The following MAML3 variants were observed in gnomAD, a reference collection of about 807,000 sequenced individuals.
MAML3 encodes mastermind-like protein 3.
In MAML3, 27 loss-of-function variants were observed where a neutral mutation model predicts 101.9. The observed-to-expected ratio is 0.27, with a 90% CI of 0.20 to 0.37. The LOEUF (loss-of-function observed/expected upper bound fraction) is 0.37, where lower values mean the gene tolerates loss of function less well. Ranked by LOEUF, MAML3 falls within the 10% of genes least tolerant of loss-of-function variation. The probability of loss-of-function intolerance (pLI) is 1.00; values close to 1 mark genes in which losing one functional copy is unlikely to be tolerated. For missense variants in MAML3, 1,316 were observed against 1,444.9 expected (o/e 0.91, Z 1.45); for synonymous variants, 501 against 555.9 (o/e 0.90, Z 1.39).
chr4:139,908,316 T>G (rs1299447033), intron 1 of MAML3, among the ~76,000 whole-genome samples: 4 of 152,262 alleles, frequency 2.6e-5, no homozygotes, highest in Non-Finnish European at 5.9e-5. Context: ...TGTCTATCAC[T>G]ATTTCTGTAT....
intron 1 of MAML3, among the ~76,000 whole-genome samples, chr4:140,098,510 A>G (rs926823800): frequency 6.6e-6 from 1 of 152,230 alleles, no homozygotes; most frequent in African/African-American, 2.4e-5. Context: ...CAAAGGGAGA[A>G]GCCAGATTCC....
intron 2 of MAML3, among the ~76,000 whole-genome samples, chr4:139,767,550 C>T (rs1347550631): frequency 1.3e-5 from 2 of 152,282 alleles, no homozygotes; most frequent in South Asian, 2.1e-4. Context: ...TCTTACTATA[C>T]CAGGATTTGG....
At position 140,028,230 on chromosome 4, in the gene MAML3, T is replaced by A. The variant is rs993130912; in HGVS notation, c.468+124630A>T. On this transcript the variant is annotated intron_variant, in intron 1 of 4. Coordinates refer to ENST00000509479, the MANE Select transcript of MAML3 (RefSeq NM_018717.5). ...TACATTAGCAACACTGGAGCATAGA[T>A]GAAGCAGGAAGAAGAGAGAAAGCAT... Among the ~76,000 whole-genome samples the A allele has an allele frequency of 3.9e-5, 6 of 152,178 alleles. No individual in the cohort carries two copies. The East Asian group carries it at 1.2e-3, about 29-fold the overall frequency.
rs149616459 is a variant in MAML3 at position 139,929,580 on chromosome 4, C to T, written c.469-38613G>A. Reference sequence around the variant, plus strand: ...AGTTTATTGCAGGGAACAGCTTAAACTCAAATATACTAGCATCTATACAAT... The same window carrying T: ...AGTTTATTGCAGGGAACAGCTTAAATTCAAATATACTAGCATCTATACAAT... On this transcript the variant is annotated intron_variant, in intron 1 of 4. Transcript: ENST00000509479. Among the ~76,000 whole-genome samples, 67 of 152,308 alleles carry T rather than the reference C, an allele frequency of 4.4e-4. 5 individuals are homozygous for T. In the South Asian group the frequency reaches 9.5e-3, roughly 22 times the overall value.
chr4:140,060,365 C>CAAAAAAAAAAAAAAAAAAAA lies in MAML3; in HGVS notation c.468+92475_468+92494dup, dbSNP rs70943471. Among the ~76,000 whole-genome samples, 191 of 19,118 alleles carry CAAAAAAAAAAAAAAAAAAAA rather than the reference C, an allele frequency of 1.0e-2. 75 individuals are homozygous for CAAAAAAAAAAAAAAAAAAAA. The highest frequency in any genetic ancestry group is 0.011 in the Non-Finnish European group (122 of 10,742). The allele number at this position is 19,118 out of a possible 152,430, so 12.5% of individuals were successfully genotyped here. The stretch of plus-strand genomic sequence containing the variant: ...TGGGCGACAGAGTAAGACTCTGTCT[C>CAAAAAAAAAAAAAAAAAAAA]AAAAAAAAAAAAAAAAAAAAGTCAC... On this transcript the variant is annotated intron_variant, in intron 1 of 4. Transcript: ENST00000509479.
At chr4:139,989,874 C>CACACAT (rs1553967750) in intron 1 of MAML3, among the ~76,000 whole-genome samples, 1 of 135,404 alleles carries the variant, frequency 7.4e-6, no homozygotes, top group African/African-American at 3.0e-5. Flanking sequence ...CACACACACA[C>CACACAT]ACACACACAG....
intron 2 of MAML3, among the ~76,000 whole-genome samples, chr4:139,759,437 G>A (rs1338258904): frequency 6.6e-6 from 1 of 152,154 alleles, no homozygotes; most frequent in African/African-American, 2.4e-5. Context: ...CTTGCCCCAG[G>A]TCCCGGCCTG....
At chr4:139,794,673 C>T (rs1326845856) in intron 2 of MAML3, among the ~76,000 whole-genome samples, 2 of 152,212 alleles carry the variant, frequency 1.3e-5, no homozygotes, top group Non-Finnish European at 2.9e-5. Context: ...TGATTTCCTA[C>T]TGGGAAAATG....
intron 2 of MAML3, among the ~76,000 whole-genome samples, chr4:139,762,931 T>C (rs1359491909): frequency 6.6e-6 from 1 of 152,186 alleles, no homozygotes; most frequent in African/African-American, 2.4e-5. Context: ...TTCGTGTCTA[T>C]GTGCCAAAGT....
chr4:140,008,325 CAAG>C (rs1195661217), intron 1 of MAML3, among the ~76,000 whole-genome samples: 1 of 151,610 alleles, frequency 6.6e-6, no homozygotes, highest in Non-Finnish European at 1.5e-5. Flanking sequence ...CCAGCCTGGG[CAAG>C]AAGAGCGAAA....
intron 1 of MAML3, among the ~76,000 whole-genome samples, chr4:140,069,384 AAGGAGGAGG>A (rs756106379): frequency 5.0e-5 from 3 of 60,426 alleles, no homozygotes; most frequent in Non-Finnish European, 7.0e-5. Context: ...GAAGAAGAAG[AAGGAGGAGG>A]AGGAGGAGGA....
Position 139,785,317 on chromosome 4 carries a change from G to C in MAML3, c.2080-54650C>G, listed in dbSNP as rs1730286642. ...TACATGCTTAAAATATTAATAATCA[G>C]AGTTCACTTTCATAGGGCTCTGGGC... On this transcript the variant is annotated intron_variant, in intron 2 of 4. Transcript: ENST00000509479. The surrounding 1 kb of genome is among the most constrained non-coding windows in gnomAD (Gnocchi z 4.3). 6.6e-6 allele frequency among the ~76,000 whole-genome samples: 1 copy of C among 152,234 alleles called. No individual in the cohort carries two copies. The highest frequency in any genetic ancestry group is 2.4e-5 in the African/African-American group (1 of 41,456).
chr4:139,939,447 T>C (rs540920119), intron 1 of MAML3, among the ~76,000 whole-genome samples: 41 of 152,262 alleles, frequency 2.7e-4, no homozygotes, highest in Non-Finnish European at 4.6e-4. Context: ...TCTTTCTGCC[T>C]ACTGATCTCA....
chr4:139,866,651 A>G (rs544820876), intron 2 of MAML3, among the ~76,000 whole-genome samples: 19 of 152,174 alleles, frequency 1.2e-4, no homozygotes, highest in African/African-American at 4.6e-4. Context: ...TCTCTTCCTC[A>G]CTGTCTTGTT....
At chr4:139,883,696 G>A (rs564306628) in intron 2 of MAML3, among the ~76,000 whole-genome samples, 1 of 152,110 alleles carries the variant, frequency 6.6e-6, no homozygotes, top group South Asian at 2.1e-4. Flanking sequence ...GCTGCCTTTG[G>A]CAAGCAGAAA....
At chr4:139,893,634 C>T (rs1353427707) in intron 1 of MAML3, among the ~76,000 whole-genome samples, 1 of 152,098 alleles carries the variant, frequency 6.6e-6, no homozygotes, top group African/African-American at 2.4e-5. Flanking sequence ...GCCCCATTGA[C>T]CATAAGGAAT....
At chr4:140,071,353 G>A (rs567640082) in intron 1 of MAML3, among the ~76,000 whole-genome samples, 1 of 152,270 alleles carries the variant, frequency 6.6e-6, no homozygotes, top group African/African-American at 2.4e-5. Flanking sequence ...TGGATCTCCA[G>A]AAGACACATT....
In MAML3 at chr4:140,083,961, CACACACAGAGAGAGAGAG is replaced by C. The variant is rs1311985873; in HGVS notation, c.468+68881_468+68898del. Among the ~76,000 whole-genome samples, 127 of 36,168 alleles carry C rather than the reference CACACACAGAGAGAGAGAG, an allele frequency of 3.5e-3. 1 individual carries two copies. Among genetic ancestry groups the C allele is most frequent in the Admixed American group, 7.4e-3 (19 of 2,558 alleles). 23.7% of individuals were successfully genotyped at this position (36,168 alleles called of 152,430 possible). A position where few individuals can be genotyped will look rare whatever the true frequency, so the allele number is the denominator to read the frequency against. On this transcript the variant is annotated intron_variant, in intron 1 of 4. Coordinates refer to ENST00000509479, the MANE Select transcript of MAML3 (RefSeq NM_018717.5). ...ACACACACACACACACACACACACA[CACACACAGAGAGAGAGAG>C]AGAGAGAGAGAGAGAGAGAGAGAGA...
chr4:140,115,259 AT>A (rs1728500015), intron 1 of MAML3, among the ~76,000 whole-genome samples: 1 of 152,172 alleles, frequency 6.6e-6, no homozygotes, highest in South Asian at 2.1e-4. Flanking sequence ...AATACATTTT[AT>A]TTTTAAGTCT....
Sources: gnomAD v4.1 joint callset for allele counts (sites outside exome capture counted in the v4.1 genomes callset) on GRCh38, gnomAD v4.1.1 for gene constraint, Gnocchi (gnomAD v3.1) non-coding constraint, MANE v1.5 for transcripts, NCBI Gene and HGNC (gene_info 2026-07-23, HGNC 2026-07-21) for gene names.